Variants in CYYR1 observed in about 807,000 individuals in gnomAD.
CYYR1 encodes cysteine and tyrosine rich 1.
CYYR1 carries 14 observed loss-of-function variants against 15.2 expected under a neutral mutation model. That is an observed-to-expected ratio of 0.92 (90% CI 0.61 to 1.44). The LOEUF is 1.44. CYYR1 is among the 40% of genes most tolerant of loss of function. CYYR1 has a pLI of 0.00. For missense variants in CYYR1, 228 were observed against 209.5 expected, an observed-to-expected ratio of 1.09 and a Z score of -0.54; for synonymous variants, 80 against 77.4, an observed-to-expected ratio of 1.03 and a Z score of -0.18.
chr21:26,521,989 A>G (rs541241388), intron 2 of CYYR1, among the ~76,000 whole-genome samples: 1 of 152,318 alleles, frequency 6.6e-6, no homozygotes, highest in East Asian at 1.9e-4. Flanking sequence ...TCACCTTACA[A>G]ATGAATTCTA....
intron 2 of CYYR1, among the ~76,000 whole-genome samples, chr21:26,542,514 G>A (rs1006704669): frequency 1.3e-5 from 2 of 151,914 alleles, no homozygotes; most frequent in African/African-American, 2.4e-5. Context: ...TCCTCAATCC[G>A]ATAAAAAGAA....
At position 26,477,726 on chromosome 21, in the gene CYYR1, G is replaced by A. The variant is rs1391857228; in HGVS notation, c.334+2546C>T. Reference sequence around the variant, plus strand: ...GAGTATCTAGAACGTTATCTGCAAAGCAATTCTTCATACCTTCTCTACAAT... The same window carrying A: ...GAGTATCTAGAACGTTATCTGCAAAACAATTCTTCATACCTTCTCTACAAT... On this transcript the variant is annotated intron_variant, in intron 3 of 3. Transcript: ENST00000652641. 1.0e-5 allele frequency: 10 copies of A among 983,922 alleles called. No homozygotes were observed. The African/African-American group carries it at 1.4e-4, about 14-fold the overall frequency. 60.9% of individuals were successfully genotyped at this position (983,922 alleles called of 1,614,324 possible).
chr21:26,476,081 T>TA (rs960223518), intron 3 of CYYR1, among the ~76,000 whole-genome samples: 14 of 152,290 alleles, frequency 9.2e-5, no homozygotes, highest in Admixed American at 6.5e-4. Context: ...CACATACTAA[T>TA]AAGGTTTCTG....
intron 2 of CYYR1, among the ~76,000 whole-genome samples, chr21:26,490,839 T>C (rs1367727027): frequency 6.6e-6 from 1 of 152,120 alleles, no homozygotes; most frequent in African/African-American, 2.4e-5. Context: ...ACAAATGCTA[T>C]GGTGTATCTT....
chr21:26,569,781 C>A (rs778466175), intron 1 of CYYR1, among the ~76,000 whole-genome samples: 1 of 152,134 alleles, frequency 6.6e-6, no homozygotes, highest in Non-Finnish European at 1.5e-5. Flanking sequence ...CAATTGCTAC[C>A]GTTGCATTCC....
At chr21:26,541,952 T>C (rs1254162610) in intron 2 of CYYR1, among the ~76,000 whole-genome samples, 1 of 152,030 alleles carries the variant, frequency 6.6e-6, no homozygotes, top group African/African-American at 2.4e-5. Context: ...AACTCAAAAG[T>C]AGCAGGAGAG....
At chr21:26,483,977 C>A (rs2065218290) in intron 2 of CYYR1, among the ~76,000 whole-genome samples, 1 of 152,024 alleles carries the variant, frequency 6.6e-6, no homozygotes, top group Non-Finnish European at 1.5e-5. Flanking sequence ...CTCAGTGGTA[C>A]CTGAACACCT....
chr21:26,530,501 T>A (rs768252009), intron 2 of CYYR1, among the ~76,000 whole-genome samples: 1 of 152,166 alleles, frequency 6.6e-6, no homozygotes, highest in African/African-American at 2.4e-5. Flanking sequence ...CTGGGATACA[T>A]GTGCAGAACG....
intron 2 of CYYR1, among the ~76,000 whole-genome samples, chr21:26,491,704 T>C (rs1229551683): frequency 6.6e-6 from 1 of 152,150 alleles, no homozygotes; most frequent in African/African-American, 2.4e-5. Context: ...GGTAATAAAC[T>C]CTGATGGCAA....
intron 2 of CYYR1, among the ~76,000 whole-genome samples, chr21:26,485,890 C>T (rs2065241999): frequency 1.3e-5 from 2 of 152,096 alleles, no homozygotes; most frequent in Admixed American, 1.3e-4. Context: ...AAGTTATTTA[C>T]ATTCCTACCA....
intron 2 of CYYR1, among the ~76,000 whole-genome samples, chr21:26,541,405 T>G (rs149830789): frequency 5.3e-5 from 8 of 152,202 alleles, no homozygotes; most frequent in African/African-American, 1.4e-4. Context: ...AAAATACAAA[T>G]CACCACTGAC....
In CYYR1 at chr21:26,565,463, A is replaced by G. The variant is rs113128841; in HGVS notation, c.176+803T>C. On this transcript the variant is annotated intron_variant, in intron 2 of 3. Transcript: ENST00000652641. ...CAACCGTTGCTGCTCTCTGAAAGCC[A>G]TGGGGATTTTGACTCAAGAAATTCT... Among the ~76,000 whole-genome samples, 895 of 152,290 alleles carry G rather than the reference A, an allele frequency of 5.9e-3. 7 individuals carry two copies. The highest frequency in any genetic ancestry group is 0.037 in the Middle Eastern group (11 of 294).
chr21:26,513,611 G>A (rs2065680666), intron 2 of CYYR1, among the ~76,000 whole-genome samples: 1 of 152,060 alleles, frequency 6.6e-6, no homozygotes, highest in Non-Finnish European at 1.5e-5. Context: ...TATCAGTGAA[G>A]TTCATTAGTA....
At chr21:26,554,102 T>G (rs761868524) in intron 2 of CYYR1, among the ~76,000 whole-genome samples, 4 of 152,180 alleles carry the variant, frequency 2.6e-5, no homozygotes. Context: ...TGGAGAAAAC[T>G]GCTGATTAAC....
chr21:26,544,923 G>A (rs1334910200), intron 2 of CYYR1, among the ~76,000 whole-genome samples: 1 of 151,708 alleles, frequency 6.6e-6, no homozygotes, highest in Non-Finnish European at 1.5e-5. Context: ...CTCCAGCCTG[G>A]GCAACAGAGT....
intron 1 of CYYR1, among the ~76,000 whole-genome samples, chr21:26,566,672 T>A (rs879451688): frequency 6.6e-6 from 1 of 152,136 alleles, no homozygotes; most frequent in Non-Finnish European, 1.5e-5. Context: ...AACTACTCAG[T>A]CGCTGGATTT....
At position 26,567,354 on chromosome 21, in the gene CYYR1, A is replaced by G. The variant is rs564091977; in HGVS notation, c.74-986T>C. On this transcript the variant is annotated intron_variant, in intron 1 of 3. Transcript: ENST00000652641. The stretch of plus-strand genomic sequence containing the variant: ...TTGAGGAATCAGTAAGATATAAAAC[A>G]GTACTATGTGAAGGGGGAAGAGTTA... Among the ~76,000 whole-genome samples, 6 of 152,322 alleles carry G rather than the reference A, an allele frequency of 3.9e-5. No individual in the cohort carries two copies. In the South Asian group the frequency reaches 1.2e-3, roughly 32 times the overall value.
rs139093088 is a variant in CYYR1 at position 26,555,381 on chromosome 21, A to C, written c.176+10885T>G. On this transcript the variant is annotated intron_variant, in intron 2 of 3. Transcript: ENST00000652641. ...AAAAAATGTTGTATCCACACAGTAG[A>C]GTTGGCTATTTGCAACCACAGGTAG... Among the ~76,000 whole-genome samples the C allele has an allele frequency of 1.9e-3, 295 of 152,322 alleles. 2 individuals are homozygous for C. The highest frequency in any genetic ancestry group is 6.7e-3 in the African/African-American group (279 of 41,582).
At chr21:26,472,586 T>G (rs1035719696) in intron 3 of CYYR1, among the ~76,000 whole-genome samples, 1 of 152,124 alleles carries the variant, frequency 6.6e-6, no homozygotes. Flanking sequence ...TGTTTGTTAT[T>G]CATATTGAGT....
Sources: allele counts gnomAD v4.1 joint callset (sites outside exome capture counted in the v4.1 genomes callset), GRCh38; gene constraint gnomAD v4.1.1; transcripts MANE v1.5; gene names NCBI Gene and HGNC (gene_info 2026-07-23, HGNC 2026-07-21).